The following DTWD2 variants were observed in gnomAD, a reference collection of about 807,000 sequenced individuals.
DTWD2 encodes DTW motif tRNA-uridine aminocarboxypropyltransferase 2, also known as tRNA-uridine aminocarboxypropyltransferase 2.
DTWD2 carries 39 observed loss-of-function variants against 31.8 expected under a neutral mutation model. The observed-to-expected ratio is 1.22, with a 90% CI of 0.95 to 1.60. DTWD2 has a LOEUF of 1.60. Ranked by LOEUF, DTWD2 falls within the 40% of genes most tolerant of loss-of-function variation. The pLI, the probability that DTWD2 is intolerant of heterozygous loss-of-function variation, is 0.00. For synonymous variants in DTWD2, 180 were observed against 142.8 expected, an observed-to-expected ratio of 1.26 and a Z score of -1.86; for missense variants, 515 against 381.5, an observed-to-expected ratio of 1.35 and a Z score of -2.92.
chr5:118,886,247 G>A (rs927049682), intron 4 of DTWD2, among the ~76,000 whole-genome samples: 2 of 152,232 alleles, frequency 1.3e-5, no homozygotes, highest in African/African-American at 4.8e-5. Flanking sequence ...AAAAATAAGT[G>A]AAATGTGTGC....
intron 4 of DTWD2, among the ~76,000 whole-genome samples, chr5:118,869,902 T>C (rs997798372): frequency 1.3e-5 from 2 of 152,176 alleles, no homozygotes; most frequent in Admixed American, 1.3e-4. Context: ...CGGAGGCAGA[T>C]ACCTCATGAA....
At chr5:118,864,605 G>C (rs1752342323) in intron 4 of DTWD2, among the ~76,000 whole-genome samples, 1 of 148,884 alleles carries the variant, frequency 6.7e-6, no homozygotes, top group African/African-American at 2.5e-5. Context: ...GAGATTGGGA[G>C]ATAGGGGCCC....
At chr5:118,954,212 A>T (rs1754531335) in intron 1 of DTWD2, among the ~76,000 whole-genome samples, 1 of 152,218 alleles carries the variant, frequency 6.6e-6, no homozygotes, top group Non-Finnish European at 1.5e-5. Context: ...TTGAGGATGC[A>T]GTGAGCTATG....
chr5:118,955,858 T>C (rs574016297), intron 1 of DTWD2, among the ~76,000 whole-genome samples: 2 of 152,022 alleles, frequency 1.3e-5, no homozygotes, highest in East Asian at 3.9e-4. Context: ...GCAAAAAATA[T>C]CACATAACTA....
chr5:118,875,755 C>T (rs569340722), intron 4 of DTWD2, among the ~76,000 whole-genome samples: 1 of 152,200 alleles, frequency 6.6e-6, no homozygotes, highest in South Asian at 2.1e-4. Context: ...GACTTCCACA[C>T]AATAATAGTG....
At chr5:118,859,282 G>C (rs959362530) in intron 4 of DTWD2, among the ~76,000 whole-genome samples, 3 of 150,716 alleles carry the variant, frequency 2.0e-5, no homozygotes, top group Non-Finnish European at 4.4e-5. Context: ...GATAAATAAA[G>C]AGAAAGAATC....
At chr5:118,974,210 G>C (rs1755072500) in intron 1 of DTWD2, 3 of 1,289,514 alleles carry the variant, frequency 2.3e-6, no homozygotes, top group East Asian at 5.0e-5. Context: ...ATCTAAACGT[G>C]GTCACCTTCG....
At chr5:118,869,847 T>C (rs779631519) in intron 4 of DTWD2, among the ~76,000 whole-genome samples, 4 of 152,210 alleles carry the variant, frequency 2.6e-5, no homozygotes, top group Admixed American at 6.5e-5. Context: ...AAATGTCTCA[T>C]GCTCCAATGT....
At chr5:118,944,396 A>G (rs1754282424) in intron 2 of DTWD2, among the ~76,000 whole-genome samples, 163 bp downstream of exon 2, 1 of 152,222 alleles carries the variant, frequency 6.6e-6, no homozygotes, top group Admixed American at 6.5e-5. Flanking sequence ...CTATACTATC[A>G]GTTGAAATTA....
intron 3 of DTWD2, among the ~76,000 whole-genome samples, chr5:118,937,383 C>CAA (rs70982459): frequency 3.8e-5 from 5 of 132,190 alleles, no homozygotes; most frequent in African/African-American, 8.3e-5. Flanking sequence ...GTTATCACTG[C>CAA]AAAAAAAAAA....
rs902843244 is a variant in DTWD2, at chr5:118,944,597, T to G, written c.271A>C (p.Ile91Leu). The G allele has an allele frequency of 3.7e-6, 6 of 1,613,616 alleles. No homozygotes were observed. The highest frequency in any genetic ancestry group is 1.7e-5 in the Admixed American group (1 of 60,018). Residue 91 changes from isoleucine (I) to leucine (L), a missense_variant, in exon 2 of 6, where the codon ATC (isoleucine) becomes CTC (leucine). Coordinates refer to ENST00000510708, the MANE Select transcript of DTWD2 (RefSeq NM_173666.4). ...CPFLPAHPLH[I>L]STHLYIIQHP... is the part of the protein sequence containing the mutation. ...TGAATTATGTACAAGTGGGTAGAGATATGCAGAGGGTGCGCTGGGAGAAAT... is the reference window on the plus strand; with the variant it reads ...TGAATTATGTACAAGTGGGTAGAGAGATGCAGAGGGTGCGCTGGGAGAAAT...
rs1003935741 is a variant in DTWD2, at chr5:118,928,699, C to T, written c.435G>A (p.Lys145=). ...RDPELSTVCR[K]SGTLILYPGA... is the part of the protein sequence containing the mutation. ...CTGGATATAATATTAATGTACCAGA[C>T]TTCCGGCAAACAGTTGAAAGTTCAG... Residue 145 remains lysine, a synonymous_variant, in exon 4 of 6, where the codon AAG becomes AAA. Transcript: ENST00000510708. The T allele has an allele frequency of 1.3e-5, 20 of 1,575,628 alleles. No homozygotes were observed. The highest frequency in any genetic ancestry group is 1.7e-5 in the Non-Finnish European group (20 of 1,162,600).
At chr5:118,966,531 T>C (rs1754853309) in intron 1 of DTWD2, among the ~76,000 whole-genome samples, 1 of 152,242 alleles carries the variant, frequency 6.6e-6, no homozygotes, top group African/African-American at 2.4e-5. Context: ...TATTTTCTTA[T>C]GATCATACTC....
intron 4 of DTWD2, among the ~76,000 whole-genome samples, chr5:118,895,223 A>T (rs1210451325): frequency 6.6e-6 from 1 of 152,194 alleles, no homozygotes; most frequent in Non-Finnish European, 1.5e-5. Context: ...ACTAGCAGTG[A>T]TCAACCTGAA....
chr5:118,847,971 C>T (rs1388413011), intron 5 of DTWD2, 119 bp downstream of exon 5: 2 of 1,144,906 alleles, frequency 1.7e-6, no homozygotes, highest in Admixed American at 2.9e-5. Context: ...ACATAAATTT[C>T]TAACACAGAA....
intron 4 of DTWD2, among the ~76,000 whole-genome samples, chr5:118,862,496 T>C (rs887984475): frequency 2.6e-4 from 39 of 152,300 alleles, no homozygotes; most frequent in African/African-American, 9.1e-4. Flanking sequence ...TCTTTGTTTA[T>C]ACACAGGTCT....
At chr5:118,973,978 G>C in intron 1 of DTWD2, 1 of 1,585,258 alleles carries the variant, frequency 6.3e-7, no homozygotes. Flanking sequence ...AAGGTGGGGA[G>C]GAAGAGGAGG....
chr5:118,971,223 C>G (rs1019691338), intron 1 of DTWD2, among the ~76,000 whole-genome samples: 5 of 152,254 alleles, frequency 3.3e-5, no homozygotes, highest in African/African-American at 1.2e-4. Flanking sequence ...CATCTGTATG[C>G]TATCTTCAAG....
chr5:118,961,092 T>G (rs548689417), intron 1 of DTWD2, among the ~76,000 whole-genome samples: 74 of 152,144 alleles, frequency 4.9e-4, no homozygotes, highest in African/African-American at 1.6e-3. Context: ...AAAAAAAGTT[T>G]TAGTGAGTGT....
Sources: allele counts gnomAD v4.1 joint callset (sites outside exome capture counted in the v4.1 genomes callset), GRCh38; gene constraint gnomAD v4.1.1; transcripts MANE v1.5; gene names NCBI Gene and HGNC (gene_info 2026-07-23, HGNC 2026-07-21).